Variants in ANKRD6 observed in about 807,000 individuals in gnomAD.
The protein encoded by ANKRD6 is ankyrin repeat domain 6, also known as ankyrin repeat domain-containing protein 6.
A neutral mutation model predicts 82.3 loss-of-function variants in ANKRD6; 56 were observed. The ratio of observed to expected loss-of-function variants is 0.68; its 90% CI spans 0.55 to 0.85. The LOEUF (loss-of-function observed/expected upper bound fraction) is 0.85. Ranked by LOEUF, ANKRD6 falls within the 40% of genes least tolerant of loss-of-function variation. The pLI, the probability that ANKRD6 is intolerant of heterozygous loss-of-function variation, is 0.00. For synonymous variants in ANKRD6, 347 were observed against 352.1 expected, an observed-to-expected ratio of 0.99 and a Z score of 0.16; for missense variants, 852 against 907.6, an observed-to-expected ratio of 0.94 and a Z score of 0.79.
chr6:89,616,715 A>G, intron 8 of ANKRD6, 58 bp downstream of exon 8: 1 of 1,523,830 alleles, frequency 6.6e-7, no homozygotes, highest in Admixed American at 1.7e-5. Context: ...CCAGAATGGG[A>G]TGTGTACTAA....
intron 4 of ANKRD6, among the ~76,000 whole-genome samples, chr6:89,603,724 G>A (rs914588247): frequency 1.3e-5 from 2 of 152,186 alleles, no homozygotes; most frequent in East Asian, 1.9e-4. Flanking sequence ...AGTGGCTCAC[G>A]CCTGTAATCC....
chr6:89,612,182 C>A, intron 5 of ANKRD6, 90 bp from the exon 6 acceptor site: 3 of 1,197,214 alleles, frequency 2.5e-6, no homozygotes, highest in Non-Finnish European at 3.5e-6. Flanking sequence ...TGCCTTTTCC[C>A]CCGAGTAAGT....
chr6:89,508,606 T>A (rs1457972476), intron 1 of ANKRD6, among the ~76,000 whole-genome samples: 1 of 151,878 alleles, frequency 6.6e-6, no homozygotes, highest in East Asian at 1.9e-4. Context: ...AAAGGGAGGG[T>A]GCCTCAGCTA....
At chr6:89,473,057 T>G (rs1003419476) in intron 1 of ANKRD6, among the ~76,000 whole-genome samples, 1 of 152,214 alleles carries the variant, frequency 6.6e-6, no homozygotes, top group African/African-American at 2.4e-5. Context: ...CTATACCTTT[T>G]AATCTTACAT....
chr6:89,502,382 A>T (rs927472342), intron 1 of ANKRD6, among the ~76,000 whole-genome samples: 1 of 152,222 alleles, frequency 6.6e-6, no homozygotes, highest in African/African-American at 2.4e-5. Context: ...ATGGTGTCTC[A>T]TGCTTGTAAT....
intron 2 of ANKRD6, among the ~76,000 whole-genome samples, chr6:89,578,440 C>T (rs1791693887): frequency 6.6e-6 from 1 of 151,868 alleles, no homozygotes; most frequent in Non-Finnish European, 1.5e-5. Context: ...GGACTACAGA[C>T]ACGTGCCACC....
chr6:89,603,320 ATTTT>A (rs1229759944), intron 4 of ANKRD6, among the ~76,000 whole-genome samples, 193 bp downstream of exon 4: 1 of 114,692 alleles, frequency 8.7e-6, no homozygotes. Context: ...GCCAATTGTA[ATTTT>A]TTTTTTTTTT....
chr6:89,442,158 G>A (rs1376047626), intron 1 of ANKRD6, among the ~76,000 whole-genome samples: 5 of 151,922 alleles, frequency 3.3e-5, no homozygotes, highest in African/African-American at 1.2e-4. Context: ...CCCACACCCA[G>A]TTAATTTTTG....
At chr6:89,610,594 A>G (rs1190144966) in intron 5 of ANKRD6, among the ~76,000 whole-genome samples, 1 of 152,162 alleles carries the variant, frequency 6.6e-6, no homozygotes, top group Non-Finnish European at 1.5e-5. Context: ...TAGAGGCATC[A>G]GATTTCTTTC....
intron 2 of ANKRD6, among the ~76,000 whole-genome samples, chr6:89,577,110 G>C (rs1189382755): frequency 1.3e-5 from 2 of 151,820 alleles, no homozygotes; most frequent in African/African-American, 2.4e-5. Flanking sequence ...TGCCCACACT[G>C]GAAGCTGCAG....
intron 2 of ANKRD6, 76 bp from the exon 3 acceptor site, chr6:89,595,840 G>C (rs918963016): frequency 8.3e-7 from 1 of 1,209,344 alleles, no homozygotes; most frequent in African/African-American, 1.5e-5. Flanking sequence ...TGCAAACCTT[G>C]CTCTAGGCCC....
At chr6:89,571,773 A>G (rs1789968081) in intron 2 of ANKRD6, among the ~76,000 whole-genome samples, 1 of 152,246 alleles carries the variant, frequency 6.6e-6, no homozygotes, top group African/African-American at 2.4e-5. Flanking sequence ...CTGACGCATC[A>G]TTATCACCCA....
chr6:89,492,732 T>C (rs56070509), intron 1 of ANKRD6, among the ~76,000 whole-genome samples: 9,087 of 152,330 alleles, frequency 0.06, 295 homozygotes, highest in South Asian at 0.13. Flanking sequence ...AACCAGTCCA[T>C]GCCTCTTTCA....
chr6:89,567,216 A>G, intron 2 of ANKRD6, 120 bp downstream of exon 2: 3 of 1,382,312 alleles, frequency 2.2e-6, no homozygotes, highest in Non-Finnish European at 1.9e-6. Context: ...TCTTCCAATG[A>G]TGGAGGTTTG....
intron 1 of ANKRD6, among the ~76,000 whole-genome samples, chr6:89,554,566 A>G (rs778627509): frequency 5.9e-5 from 9 of 152,210 alleles, no homozygotes; most frequent in Non-Finnish European, 1.3e-4. Context: ...AACATGAAAA[A>G]GTAAGAGAAG....
rs547924093 is a variant in ANKRD6, at chr6:89,631,024, T to C, written c.*20T>C. On this transcript the variant is annotated 3_prime_UTR_variant, in exon 16 of 16. Transcript: ENST00000339746. ...AATTAGCACCAATAAAGAGGAAATATGAAAGGATTCTTGAAGATTTCCAGT... is the reference window on the plus strand; with the variant it reads ...AATTAGCACCAATAAAGAGGAAATACGAAAGGATTCTTGAAGATTTCCAGT... The C allele has an allele frequency of 1.9e-5, 28 of 1,482,692 alleles. No homozygotes were observed. Among genetic ancestry groups the C allele is most frequent in the African/African-American group, 1.6e-4 (11 of 70,524 alleles). The allele number at this position is 1,482,692 out of a possible 1,614,324, so 91.8% of individuals were successfully genotyped here. A position where few individuals can be genotyped will look rare whatever the true frequency, so the allele number is the denominator to read the frequency against.
intron 1 of ANKRD6, among the ~76,000 whole-genome samples, chr6:89,546,414 G>A (rs1785099602): frequency 6.6e-6 from 1 of 152,034 alleles, no homozygotes; most frequent in African/African-American, 2.4e-5. Flanking sequence ...AAAGTTGTGT[G>A]GTGGGCGGGG....
intron 1 of ANKRD6, among the ~76,000 whole-genome samples, chr6:89,482,020 C>T (rs1457699748): frequency 6.6e-6 from 1 of 152,124 alleles, no homozygotes; most frequent in Non-Finnish European, 1.5e-5. Flanking sequence ...TACCATTGCC[C>T]CTCATAAGGT....
At chr6:89,628,789 C>CAAA in intron 14 of ANKRD6, 4 of 232,238 alleles carry the variant, frequency 1.7e-5, no homozygotes, top group East Asian at 1.0e-4. Flanking sequence ...AACAAACAAA[C>CAAA]AAAAAAAAAA....
Sources: gnomAD v4.1 joint callset for allele counts (sites outside exome capture counted in the v4.1 genomes callset) on GRCh38, gnomAD v4.1.1 for gene constraint, MANE v1.5 for transcripts, NCBI Gene and HGNC (gene_info 2026-07-23, HGNC 2026-07-21) for gene names.